ZNF469: variants seen among roughly 807,000 people sequenced by gnomAD.
ZNF469 encodes the protein zinc finger protein 469.
ZNF469 carries 1 observed loss-of-function variant against 1.0 expected under a neutral mutation model. That is an observed-to-expected ratio of 1.00 (90% CI 0.35 to 4.73). The LOEUF is 4.73. Ranked by LOEUF, ZNF469 falls within the 30% of genes most tolerant of loss-of-function variation. The pLI is 0.16. For synonymous variants in ZNF469, 2,703 were observed against 2,363.4 expected (o/e 1.14, Z -4.17); for missense variants, 6,100 against 5,356.3 (o/e 1.14, Z -4.33).
chr16:88,349,388 GGGCACACACACCA>G, the ZNF469 span, among the ~76,000 whole-genome samples: 348 of 149,202 alleles, frequency 2.3e-3, no homozygotes, highest in African/African-American at 8.0e-3. Context: ...CCACACACAA[GGGCACACACACCA>G]GGCACCACAC....
chr16:88,437,002 G>A lies in ZNF469; in HGVS notation c.9532G>A (p.Gly3178Ser), dbSNP rs887755283. The A allele has an allele frequency of 2.0e-6, 3 of 1,521,560 alleles. No individual in the cohort carries two copies. The highest frequency in any genetic ancestry group is 4.0e-5 in the Admixed American group (2 of 49,690). 94.3% of individuals were successfully genotyped at this position (1,521,560 alleles called of 1,614,324 possible). A position where few individuals can be genotyped will look rare whatever the true frequency, so the allele number is the denominator to read the frequency against. The change falls in exon 3 of 3, where the codon GGC (glycine) becomes AGC (serine). Residue 3178 changes from glycine (G) to serine (S), a missense_variant. Transcript: ENST00000565624. ...AQSKAGPWAC[G>S]MCLKEVADVW... Reference sequence around the variant, plus strand: ...GAGCAAGGCCGGGCCCTGGGCGTGCGGCATGTGCCTGAAGGAGGTGGCCGA... The same window carrying A: ...GAGCAAGGCCGGGCCCTGGGCGTGCAGCATGTGCCTGAAGGAGGTGGCCGA...
chr16:88,386,326 G>T (rs2092536673), intron 1 of ZNF469, among the ~76,000 whole-genome samples: 2 of 152,084 alleles, frequency 1.3e-5, no homozygotes, highest in Non-Finnish European at 2.9e-5. Context: ...GTCCTCATGG[G>T]TTCATCTCAG....
At chr16:88,379,882 C>A (rs2092516504), upstream of ZNF469, among the ~76,000 whole-genome samples, 2 of 152,186 alleles carry the variant, frequency 1.3e-5, no homozygotes, top group Non-Finnish European at 1.5e-5. Context: ...TGTCAGAGTC[C>A]TTCACACAGT....
intron 1 of ZNF469, among the ~76,000 whole-genome samples, chr16:88,412,954 C>T (rs1019779786): frequency 6.6e-6 from 1 of 151,936 alleles, no homozygotes; most frequent in Admixed American, 6.6e-5. Context: ...CAGCAGTGGC[C>T]GCTTATCCAA....
chr16:88,183,464 G>A, the ZNF469 span, among the ~76,000 whole-genome samples: 2 of 152,334 alleles, frequency 1.3e-5, no homozygotes, highest in African/African-American at 4.8e-5. Context: ...CACCAAGGGC[G>A]GGACGCTGGT....
At chr16:88,323,084 G>C in the ZNF469 span, among the ~76,000 whole-genome samples, 4 of 152,290 alleles carry the variant, frequency 2.6e-5, no homozygotes, top group African/African-American at 9.6e-5. Flanking sequence ...AGTTCCCCTC[G>C]TCTGTAAAGT....
the ZNF469 span, among the ~76,000 whole-genome samples, chr16:88,329,615 A>G: frequency 6.6e-6 from 1 of 152,182 alleles, no homozygotes; most frequent in Non-Finnish European, 1.5e-5. Context: ...AAGGCCCCAA[A>G]TCCTGGGAGC....
At chr16:88,283,797 C>A in the ZNF469 span, among the ~76,000 whole-genome samples, 1 of 149,092 alleles carries the variant, frequency 6.7e-6, no homozygotes, top group African/African-American at 2.5e-5. Context: ...GGTAGACCCC[C>A]AGTGTGCCCG....
the ZNF469 span, among the ~76,000 whole-genome samples, chr16:88,193,159 GTGATGGTGGTGGGGA>G: frequency 6.2e-5 from 2 of 32,046 alleles, no homozygotes; most frequent in Non-Finnish European, 1.3e-4. Context: ...GGGGATGGTG[GTGATGGTGGTGGGGA>G]TGGTGGTGAT....
the ZNF469 span, among the ~76,000 whole-genome samples, chr16:88,275,280 C>A: frequency 6.6e-6 from 1 of 152,224 alleles, no homozygotes; most frequent in African/African-American, 2.4e-5. Context: ...TGGATCCCAG[C>A]AAGCACAGCC....
Position 88,429,701 on chromosome 16 carries a change from C to T in ZNF469, c.2231C>T (p.Ala744Val). Reference protein sequence around the residue: ...RQCDRNYSSLAAFLAHRQFCG... With the variant: ...RQCDRNYSSLVAFLAHRQFCG... ...TGTGACCGCAACTACAGCAGCCTGG[C>T]GGCCTTCCTGGCCCACCGGCAGTTC... The change falls in exon 3 of 3, where the codon GCG becomes GTG. Residue 744 changes from alanine (A) to valine (V), a missense_variant. Physicochemically the swap from Ala to Val is moderately conservative, Grantham distance 64. Transcript: ENST00000565624. The T allele has an allele frequency of 2.6e-6, 4 of 1,542,310 alleles. No homozygotes were observed. The highest frequency in any genetic ancestry group is 1.2e-5 in the South Asian group (1 of 83,684).
At chr16:88,128,755 A>C in the ZNF469 span, among the ~76,000 whole-genome samples, 27,604 of 152,248 alleles carry the variant, frequency 0.18, 3,128 homozygotes, top group African/African-American at 0.32. Flanking sequence ...GGGCCCTCCC[A>C]GCCCCTCCAG....
the ZNF469 span, among the ~76,000 whole-genome samples, chr16:88,365,697 C>G: frequency 6.6e-6 from 1 of 152,200 alleles, no homozygotes; most frequent in African/African-American, 2.4e-5. Context: ...CGGGTCCACT[C>G]CATGGTGCTG....
At chr16:88,247,674 TG>T in the ZNF469 span, among the ~76,000 whole-genome samples, 2 of 151,620 alleles carry the variant, frequency 1.3e-5, no homozygotes, top group Admixed American at 1.3e-4. Context: ...GAGTGAATCG[TG>T]AATGACTGAA....
the ZNF469 span, among the ~76,000 whole-genome samples, chr16:88,234,095 C>T: frequency 6.6e-6 from 1 of 152,226 alleles, no homozygotes; most frequent in Admixed American, 6.5e-5. Flanking sequence ...GGGCCATGGA[C>T]TTCTGAACCC....
the ZNF469 span, among the ~76,000 whole-genome samples, chr16:88,209,375 CA>C: frequency 6.6e-6 from 1 of 151,910 alleles, no homozygotes; most frequent in African/African-American, 2.4e-5. Flanking sequence ...ACTGCAAGCT[CA>C]GCCTCCCAGG....
At chr16:88,247,983 C>T in the ZNF469 span, among the ~76,000 whole-genome samples, 2 of 152,144 alleles carry the variant, frequency 1.3e-5, no homozygotes, top group Non-Finnish European at 2.9e-5. Flanking sequence ...AGCTGTGACG[C>T]GGCTGGACGG....
At chr16:88,290,972 G>A in the ZNF469 span, among the ~76,000 whole-genome samples, 2 of 152,184 alleles carry the variant, frequency 1.3e-5, no homozygotes, top group Non-Finnish European at 1.5e-5. Flanking sequence ...GCCTTGGCCA[G>A]TGCTCTCTGC....
intron 1 of ZNF469, among the ~76,000 whole-genome samples, chr16:88,420,268 C>T (rs1355127772): frequency 6.6e-6 from 1 of 152,230 alleles, no homozygotes; most frequent in African/African-American, 2.4e-5. Context: ...GCCCTGACGA[C>T]AGCAGAAACA....
Sources: gnomAD v4.1 joint callset for allele counts (sites outside exome capture counted in the v4.1 genomes callset) on GRCh38, gnomAD v4.1.1 for gene constraint, MANE v1.5 for transcripts, NCBI Gene and HGNC (gene_info 2026-07-23, HGNC 2026-07-21) for gene names.